The following RNLS variants were observed in gnomAD, a reference collection of about 807,000 sequenced individuals.
RNLS encodes renalase, FAD dependent amine oxidase.
Under a neutral mutation model 39.8 loss-of-function variants are expected in RNLS, and 39 were observed. The ratio of observed to expected loss-of-function variants is 0.98; its 90% CI spans 0.76 to 1.28. The LOEUF (loss-of-function observed/expected upper bound fraction) is 1.28. RNLS is among the 50% of genes most tolerant of loss of function. RNLS has a pLI of 0.00. For missense variants in RNLS, 410 were observed against 413.3 expected (o/e 0.99, Z 0.07); for synonymous variants, 147 against 150.7 (o/e 0.98, Z 0.18).
chr10:88,266,976 C>T, the RNLS span, among the ~76,000 whole-genome samples: 9 of 152,276 alleles, frequency 5.9e-5, no homozygotes, highest in East Asian at 1.4e-3. Flanking sequence ...AAATTTGAAT[C>T]GTTGTCTTTG....
intron 4 of RNLS, among the ~76,000 whole-genome samples, chr10:88,436,811 G>T (rs1317513967): frequency 1.3e-5 from 2 of 151,760 alleles, no homozygotes; most frequent in African/African-American, 4.8e-5. Flanking sequence ...TTTTCATAAA[G>T]AAGTCAGCCA....
At chr10:88,179,455 G>A in the RNLS span, among the ~76,000 whole-genome samples, 1 of 152,130 alleles carries the variant, frequency 6.6e-6, no homozygotes, top group Non-Finnish European at 1.5e-5. Context: ...GGATAATACT[G>A]TAAATAGTAT....
intron 4 of RNLS, among the ~76,000 whole-genome samples, chr10:88,391,642 T>C (rs1852208753): frequency 6.6e-6 from 1 of 152,180 alleles, no homozygotes; most frequent in Admixed American, 6.5e-5. Context: ...ATATTTGTTA[T>C]TAAAAGAGGA....
At chr10:88,366,402 G>A (rs1473479321) in intron 4 of RNLS, among the ~76,000 whole-genome samples, 1 of 151,934 alleles carries the variant, frequency 6.6e-6, no homozygotes, top group Non-Finnish European at 1.5e-5. Flanking sequence ...AGAGAGAACA[G>A]TAGAGGAAGC....
Position 88,306,664 on chromosome 10 carries a change from C to T in RNLS, c.876+7802G>A, listed in dbSNP as rs573224168. ...ATTTCCTGAACAGACCAATAATAAG[C>T]TCTGAAGTTGAGTCAGTAACAAGTA... On this transcript the variant is annotated intron_variant, in intron 6 of 6. Coordinates refer to ENST00000331772, the MANE Select transcript of RNLS (RefSeq NM_001031709.3). Among the ~76,000 whole-genome samples the T allele has an allele frequency of 1.4e-4, 22 of 152,184 alleles. No individual in the cohort carries two copies. The South Asian group carries it at 1.5e-3, about 10-fold the overall frequency.
exon 7 of RNLS, chr10:88,274,964 G>C (rs1209002432): frequency 1.2e-5 from 20 of 1,611,916 alleles, no homozygotes; most frequent in Non-Finnish European, 1.7e-5. Flanking sequence ...CAGGAAGTCA[G>C]ATGGGAAATC....
chr10:88,292,452 G>T (rs1589473526), intron 6 of RNLS, among the ~76,000 whole-genome samples: 2 of 151,410 alleles, frequency 1.3e-5, no homozygotes, highest in African/African-American at 2.4e-5. Context: ...ATTTAGCAAG[G>T]CTTTATCTTT....
intron 4 of RNLS, among the ~76,000 whole-genome samples, chr10:88,503,114 C>G (rs922810514): frequency 6.6e-6 from 1 of 152,148 alleles, no homozygotes; most frequent in African/African-American, 2.4e-5. Flanking sequence ...GGTGTGGTGG[C>G]TCACACCTGT....
chr10:88,310,863 C>G (rs1845330169), intron 6 of RNLS, among the ~76,000 whole-genome samples: 1 of 129,486 alleles, frequency 7.7e-6, no homozygotes, highest in African/African-American at 2.8e-5. Flanking sequence ...AAGCTCAGGG[C>G]AAAATATTGA....
intron 4 of RNLS, among the ~76,000 whole-genome samples, chr10:88,519,965 A>G (rs1476972077): frequency 6.6e-6 from 1 of 151,756 alleles, no homozygotes; most frequent in East Asian, 1.9e-4. Flanking sequence ...GGATACCACA[A>G]TCTCCTGTTG....
chr10:88,350,207 A>G (rs893728646), intron 5 of RNLS, among the ~76,000 whole-genome samples: 27 of 144,968 alleles, frequency 1.9e-4, no homozygotes, highest in Non-Finnish European at 3.3e-4. Flanking sequence ...TTCCATGTTC[A>G]TTCAATTCTT....
At chr10:88,249,841 T>C in the RNLS span, among the ~76,000 whole-genome samples, 1 of 152,190 alleles carries the variant, frequency 6.6e-6, no homozygotes, top group African/African-American at 2.4e-5. Flanking sequence ...ATTCTGTAAG[T>C]TGCGATAGTC....
intron 4 of RNLS, among the ~76,000 whole-genome samples, chr10:88,481,991 A>G (rs1340842544): frequency 6.6e-6 from 1 of 151,692 alleles, no homozygotes; most frequent in African/African-American, 2.4e-5. Context: ...TTTTTCTTCC[A>G]GTATCTTTCA....
chr10:88,215,561 A>G, the RNLS span, among the ~76,000 whole-genome samples: 1 of 152,164 alleles, frequency 6.6e-6, no homozygotes, highest in African/African-American at 2.4e-5. Flanking sequence ...TAAATTGTAA[A>G]TAATGTGTCC....
chr10:88,259,565 T>C, the RNLS span, among the ~76,000 whole-genome samples: 8 of 152,290 alleles, frequency 5.3e-5, no homozygotes, highest in East Asian at 3.9e-4. Context: ...CACTTGTAAA[T>C]TGAGTGAGGC....
At chr10:88,468,810 G>A (rs773212483) in intron 4 of RNLS, among the ~76,000 whole-genome samples, 1 of 152,124 alleles carries the variant, frequency 6.6e-6, no homozygotes, top group East Asian at 1.9e-4. Context: ...GAGTAGAATG[G>A]TGAAATGGGC....
At chr10:88,432,831 T>C (rs533580855) in intron 4 of RNLS, among the ~76,000 whole-genome samples, 4 of 151,990 alleles carry the variant, frequency 2.6e-5, no homozygotes, top group Admixed American at 6.6e-5. Context: ...ATCTCTTAAA[T>C]GGGGCCAAGA....
chr10:88,341,580 C>T (rs916167972), intron 5 of RNLS, among the ~76,000 whole-genome samples: 11 of 152,078 alleles, frequency 7.2e-5, no homozygotes, highest in Middle Eastern at 3.4e-3. Flanking sequence ...TAAAAAGAAA[C>T]GTGCCATATA....
At chr10:88,513,857 A>G (rs979815605) in intron 4 of RNLS, among the ~76,000 whole-genome samples, 8 of 152,170 alleles carry the variant, frequency 5.3e-5, no homozygotes, top group African/African-American at 1.4e-4. Flanking sequence ...ATAACATACT[A>G]TCATCAAATG....
Sources: allele counts gnomAD v4.1 joint callset (sites outside exome capture counted in the v4.1 genomes callset), GRCh38; gene constraint gnomAD v4.1.1; transcripts MANE v1.5; gene names NCBI Gene and HGNC (gene_info 2026-07-23, HGNC 2026-07-21).